POLR1F: variants seen among roughly 807,000 people sequenced by gnomAD.
POLR1F encodes RNA polymerase I subunit F, also known as DNA-directed RNA polymerase I subunit RPA43.
In POLR1F, 23 loss-of-function variants were observed where a neutral mutation model predicts 21.8. The ratio of observed to expected loss-of-function variants is 1.05; its 90% CI spans 0.76 to 1.49. The LOEUF (loss-of-function observed/expected upper bound fraction) is 1.49. POLR1F is among the 40% of genes most tolerant of loss of function. The pLI is 0.00. For missense variants in POLR1F, 435 were observed against 412.1 expected (o/e 1.06, Z -0.48); for synonymous variants, 162 against 152.8 (o/e 1.06, Z -0.45).
In POLR1F at chr7:19,698,474, C is replaced by T. The variant is rs750207204; in HGVS notation, c.859G>A (p.Val287Ile). ...TGGAAAACAGGGTCCTGGTCCTGAA[C>T]TTCCTGGTGCTTTTTCTTCTTCTTC... ...KKKKKKKHQE[V>I]QDQDPVFQGS... The change falls in exon 4 of 4, where the codon GTT (valine) becomes ATT (isoleucine). Residue 287 changes from valine (V) to isoleucine (I), a missense_variant. Physicochemically the swap from Val to Ile is conservative, Grantham distance 29 (BLOSUM62 3). Coordinates refer to ENST00000222567, the MANE Select transcript of POLR1F (RefSeq NM_001002926.2). 2 of 1,611,966 alleles carry T rather than the reference C, an allele frequency of 1.2e-6. No homozygotes were observed. The highest frequency in any genetic ancestry group is 8.5e-7 in the Non-Finnish European group (1 of 1,179,492).
Position 19,700,222 on chromosome 7 carries a change from T to C in POLR1F, c.455A>G (p.Asn152Ser), listed in dbSNP as rs746469270. The C allele has an allele frequency of 5.6e-6, 9 of 1,613,768 alleles. No individual in the cohort carries two copies. The Admixed American group carries it at 6.7e-5, about 12-fold the overall frequency. ...CTGCTCAGGTTTAGGAATGGAGGCATTGAAACACCCATGTACTAAACAGCC... is the reference window on the plus strand; with the variant it reads ...CTGCTCAGGTTTAGGAATGGAGGCACTGAAACACCCATGTACTAAACAGCC... ...HIGCLVHGCF[N>S]ASIPKPEQLS... The change falls in exon 3 of 4, where the codon AAT (asparagine) becomes AGT (serine). Residue 152 changes from asparagine (N) to serine (S), a missense_variant. Physicochemically the swap from Asn to Ser is conservative, Grantham distance 46. Coordinates refer to ENST00000222567, the MANE Select transcript of POLR1F (RefSeq NM_001002926.2).
intron 1 of POLR1F, among the ~76,000 whole-genome samples, chr7:19,707,905 C>T (rs2128007488): frequency 1.3e-5 from 2 of 152,228 alleles, no homozygotes; most frequent in South Asian, 4.2e-4. Flanking sequence ...TAAAAACTTC[C>T]GATGCAGTGC....
chr7:19,695,668 A>G lies in POLR1F; in HGVS notation c.*2648T>C, dbSNP rs1420476641. 3 of 152,172 alleles carry G rather than the reference A, an allele frequency of 2.0e-5. No individual in the cohort carries two copies. Among genetic ancestry groups the G allele is most frequent in the African/African-American group, 7.2e-5 (3 of 41,470 alleles). The allele number at this position is 152,172 out of a possible 1,614,324, so 9.4% of individuals were successfully genotyped here. ...TGAAATAATGCACAGTGTTACAAGT[A>G]GAAAAATATTTATTAAAGAAAAATA... On this transcript the variant is annotated 3_prime_UTR_variant, in exon 4 of 4. Transcript: ENST00000222567.
chr7:19,700,243 C>T lies in POLR1F; in HGVS notation c.434G>A (p.Cys145Tyr). The change falls in exon 3 of 4, where the codon TGT becomes TAT. Residue 145 changes from cysteine to tyrosine, a missense_variant. Physicochemically the swap from Cys to Tyr is radical, Grantham distance 194. Coordinates refer to ENST00000222567, the MANE Select transcript of POLR1F (RefSeq NM_001002926.2). ...VNKVSSSHIG[C>Y]LVHGCFNASI... ...GGCATTGAAACACCCATGTACTAAA[C>T]AGCCAATGTGGCTAGAAGACACTTT... The T allele has an allele frequency of 6.2e-7, 1 of 1,613,760 alleles. No homozygotes were observed. The highest frequency in any genetic ancestry group is 8.5e-7 in the Non-Finnish European group (1 of 1,179,774).
chr7:19,696,435 G>C lies in POLR1F; in HGVS notation c.*1881C>G, dbSNP rs902600151. The stretch of plus-strand genomic sequence containing the variant: ...GCTAAGCCACAATGTATTTTTCCAG[G>C]AATAGCATAAATTTGCCATCTTTCT... On this transcript the variant is annotated 3_prime_UTR_variant, in exon 4 of 4. Coordinates refer to ENST00000222567, the MANE Select transcript of POLR1F (RefSeq NM_001002926.2). 118 of 152,136 alleles carry C rather than the reference G, an allele frequency of 7.8e-4. No individual in the cohort carries two copies. The highest frequency in any genetic ancestry group is 2.7e-3 in the African/African-American group (114 of 41,546). 9.4% of individuals were successfully genotyped at this position (152,136 alleles called of 1,614,324 possible).
At position 19,698,336 on chromosome 7, in the gene POLR1F, C is replaced by G. The variant is rs2128005922; in HGVS notation, c.997G>C (p.Gly333Arg). The G allele has an allele frequency of 3.2e-6, 5 of 1,565,854 alleles. No individual in the cohort carries two copies. Among genetic ancestry groups the G allele is most frequent in the East Asian group, 4.5e-5 (2 of 44,634 alleles). Residue 333 changes from glycine to arginine, a missense_variant, in exon 4 of 4, where the codon GGG becomes CGG. Coordinates refer to ENST00000222567, the MANE Select transcript of POLR1F (RefSeq NM_001002926.2). ...PPLKCSPKRKGKSNFL is the reference protein window; with the variant it reads ...PPLKCSPKRKRKSNFL ...ATACACTAAAGAAAATTACTTTTCC[C>G]TTTTCTTTTTGGTGAGCATTTCAAA...
intron 1 of POLR1F, 81 bp downstream of exon 1, chr7:19,708,682 C>T (rs1783571696): frequency 3.2e-6 from 5 of 1,541,898 alleles, no homozygotes; most frequent in South Asian, 2.5e-5. Context: ...TTGCCATTTG[C>T]CCCTTTCTGC....
rs1783393493 is a variant in POLR1F at position 19,697,987 on chromosome 7, A to G, written c.*329T>C. 5.5e-6 allele frequency: 1 copy of G among 180,894 alleles called. No homozygotes were observed. Among genetic ancestry groups the G allele is most frequent in the South Asian group, 1.9e-4 (1 of 5,152 alleles). 11.2% of individuals were successfully genotyped at this position (180,894 alleles called of 1,614,324 possible). On this transcript the variant is annotated 3_prime_UTR_variant, in exon 4 of 4. Coordinates refer to ENST00000222567, the MANE Select transcript of POLR1F (RefSeq NM_001002926.2). Reference sequence around the variant, plus strand: ...CTCAAACTTAACTCATTCTTTAGTAATATAATATTGTATTATAAAGTCCTT... The same window carrying G: ...CTCAAACTTAACTCATTCTTTAGTAGTATAATATTGTATTATAAAGTCCTT...
In POLR1F at chr7:19,698,265, T is replaced by G. The variant is rs773650523; in HGVS notation, c.*51A>C. The G allele has an allele frequency of 7.0e-7, 1 of 1,435,688 alleles. No individual in the cohort carries two copies. Among genetic ancestry groups the G allele is most frequent in the East Asian group, 2.4e-5 (1 of 41,402 alleles). 88.9% of individuals were successfully genotyped at this position (1,435,688 alleles called of 1,614,324 possible). On this transcript the variant is annotated 3_prime_UTR_variant, in exon 4 of 4. Transcript: ENST00000222567. Reference sequence around the variant, plus strand: ...TCATATCACTGAAAACATTTATTCATCTATTGTATGTAGATCGATCTTTTA... The same window carrying G: ...TCATATCACTGAAAACATTTATTCAGCTATTGTATGTAGATCGATCTTTTA...
chr7:19,703,156 T>TA (rs1783467104), intron 2 of POLR1F, among the ~76,000 whole-genome samples: 1 of 152,088 alleles, frequency 6.6e-6, no homozygotes, highest in Non-Finnish European at 1.5e-5. Context: ...AAACTACCAA[T>TA]ACACACAACA....
At chr7:19,702,975 ATTTAC>A in intron 2 of POLR1F, among the ~76,000 whole-genome samples, 1 of 152,258 alleles carries the variant, frequency 6.6e-6, no homozygotes, top group Non-Finnish European at 1.5e-5. Flanking sequence ...GCTTCTAGTT[ATTTAC>A]TTAAGAGAAA....
At chr7:19,707,846 C>A (rs563586231) in intron 1 of POLR1F, among the ~76,000 whole-genome samples, 1 of 152,142 alleles carries the variant, frequency 6.6e-6, no homozygotes, top group Non-Finnish European at 1.5e-5. Flanking sequence ...TTGGAAGAAT[C>A]TGCAGATTCT....
In POLR1F at chr7:19,708,837, C is replaced by A. The variant is rs1263688379; in HGVS notation, c.180G>T (p.Ser60=). Residue 60 remains serine, a synonymous_variant, in exon 1 of 4, where the codon TCG becomes TCT. Transcript: ENST00000222567. ...TGCGTTTCCTGTTAAGGTAGCGGGG[C>A]GACAGCGCGATGTGCCTTTGGTGCG... ...AGPHQRHIAL[S]PRYLNRKRTG... is the part of the protein sequence containing the mutation. The A allele has an allele frequency of 1.2e-6, 2 of 1,614,182 alleles. No homozygotes were observed. The highest frequency in any genetic ancestry group is 1.3e-5 in the African/African-American group (1 of 75,056).
At chr7:19,700,399 T>G in intron 2 of POLR1F, 119 bp from the exon 3 acceptor site, 1 of 737,478 alleles carries the variant, frequency 1.4e-6, no homozygotes, top group Non-Finnish European at 2.2e-6. Context: ...ATTAATGGTC[T>G]AATTTAATAT....
intron 2 of POLR1F, among the ~76,000 whole-genome samples, chr7:19,704,354 G>A (rs1216964507): frequency 6.6e-6 from 1 of 152,144 alleles, no homozygotes; most frequent in Non-Finnish European, 1.5e-5. Flanking sequence ...CATTTCCAAG[G>A]CACAGACTGG....
chr7:19,699,943 T>C (rs1185903015), intron 3 of POLR1F, 129 bp downstream of exon 3: 3 of 710,182 alleles, frequency 4.2e-6, no homozygotes, highest in Middle Eastern at 4.0e-4. Flanking sequence ...TTTGAAAGCA[T>C]GAATATTCCT....
In POLR1F at chr7:19,708,904, C is replaced by T. The variant is rs539094306; in HGVS notation, c.113G>A (p.Cys38Tyr). 1.2e-5 allele frequency: 19 copies of T among 1,613,968 alleles called. No homozygotes were observed. The highest frequency in any genetic ancestry group is 1.6e-5 in the Non-Finnish European group (19 of 1,179,982). The change falls in exon 1 of 4, where the codon TGT (cysteine) becomes TAT (tyrosine). Residue 38 changes from cysteine (C) to tyrosine (Y), a missense_variant. Transcript: ENST00000222567. ...TGAGTAGCGACTGTTCACCAGCGCA[C>T]AAGCAGCGGCATAAGTCGGCAACTC... ...CLELPTYAAA[C>Y]ALVNSRYSCL...
In POLR1F at chr7:19,698,316, C is replaced by T. The variant is rs1391962666; in HGVS notation, c.1017G>A (p.Ter339=). Residue 339 remains the stop codon, a stop_retained_variant, in exon 4 of 4, where the codon TAG becomes TAA. Coordinates refer to ENST00000222567, the MANE Select transcript of POLR1F (RefSeq NM_001002926.2). ...AAAACTGAATCGTGTTTAAAATACACTAAAGAAAATTACTTTTCCCTTTTC... is the reference window on the plus strand; with the variant it reads ...AAAACTGAATCGTGTTTAAAATACATTAAAGAAAATTACTTTTCCCTTTTC... ...PKRKGKSNFL[*] is the part of the protein sequence containing the mutation. 1.9e-6 allele frequency: 3 copies of T among 1,549,948 alleles called. No individual in the cohort carries two copies. Among genetic ancestry groups the T allele is most frequent in the African/African-American group, 1.4e-5 (1 of 72,100 alleles).
intron 2 of POLR1F, 125 bp downstream of exon 2, chr7:19,704,653 AT>A: frequency 1.1e-6 from 1 of 897,108 alleles, no homozygotes; most frequent in Non-Finnish European, 1.6e-6. Flanking sequence ...TTCCTTAAAA[AT>A]AATATTTATT....
Sources: gnomAD v4.1 joint callset for allele counts (sites outside exome capture counted in the v4.1 genomes callset) on GRCh38, gnomAD v4.1.1 for gene constraint, MANE v1.5 for transcripts, NCBI Gene and HGNC (gene_info 2026-07-23, HGNC 2026-07-21) for gene names.